The following LOC128462377 variants were observed in gnomAD, a reference collection of about 807,000 sequenced individuals.
the LOC128462377 span, among the ~76,000 whole-genome samples, chr16:89,353,821 C>T: frequency 6.6e-6 from 1 of 152,170 alleles, no homozygotes; most frequent in African/African-American, 2.4e-5. Context: ...TCATGATCAA[C>T]AGCCACTATG....
the LOC128462377 span, among the ~76,000 whole-genome samples, chr16:89,355,734 C>T: frequency 6.6e-6 from 1 of 152,196 alleles, no homozygotes; most frequent in Non-Finnish European, 1.5e-5. Flanking sequence ...GAGCATCCAC[C>T]CGTCGAGGGC....
chr16:89,363,586 C>T, the LOC128462377 span, among the ~76,000 whole-genome samples: 1 of 152,132 alleles, frequency 6.6e-6, no homozygotes, highest in African/African-American at 2.4e-5. Context: ...GAGAAACCAC[C>T]AAAACTTTCT....
the LOC128462377 span, among the ~76,000 whole-genome samples, chr16:89,367,222 A>T: frequency 1.6e-3 from 237 of 151,974 alleles, 3 homozygotes; most frequent in African/African-American, 5.5e-3. Context: ...ACAACAGTCC[A>T]CTCCACGTGG....
At chr16:89,335,951 C>T in the LOC128462377 span, among the ~76,000 whole-genome samples, 2 of 152,210 alleles carry the variant, frequency 1.3e-5, no homozygotes, top group Non-Finnish European at 2.9e-5. Context: ...CAAACATGAC[C>T]GTGCAACATG....
At chr16:89,390,967 G>A in the LOC128462377 span, among the ~76,000 whole-genome samples, 3 of 152,124 alleles carry the variant, frequency 2.0e-5, no homozygotes, top group African/African-American at 7.2e-5. Context: ...CATGGCTCAC[G>A]CCTGTAATCA....
chr16:89,411,147 G>A, the LOC128462377 span, among the ~76,000 whole-genome samples: 3 of 152,362 alleles, frequency 2.0e-5, no homozygotes, highest in Admixed American at 6.5e-5. Flanking sequence ...ACAGGGGCTC[G>A]GGCCCACGCT....
At chr16:89,383,187 C>T in the LOC128462377 span, among the ~76,000 whole-genome samples, 4 of 152,162 alleles carry the variant, frequency 2.6e-5, no homozygotes, top group African/African-American at 7.2e-5. Flanking sequence ...GGGAGCGGTG[C>T]GAGGTCACCT....
chr16:89,345,312 A>T, the LOC128462377 span, among the ~76,000 whole-genome samples: 3 of 145,242 alleles, frequency 2.1e-5, no homozygotes, highest in African/African-American at 7.7e-5. Context: ...GATGGAAAGC[A>T]CTCGACCCCA....
the LOC128462377 span, among the ~76,000 whole-genome samples, chr16:89,416,453 C>T: frequency 6.6e-6 from 1 of 152,082 alleles, no homozygotes; most frequent in Non-Finnish European, 1.5e-5. Context: ...CATTCGCCAC[C>T]ACGTCCGGTT....
At chr16:89,357,502 A>C in the LOC128462377 span, among the ~76,000 whole-genome samples, 1 of 152,228 alleles carries the variant, frequency 6.6e-6, no homozygotes, top group African/African-American at 2.4e-5. Context: ...CATATGATCC[A>C]GCAGTTCCCC....
At chr16:89,415,851 C>CAAAAAAAAAAAAAAAAAAAAAAAAAA in the LOC128462377 span, among the ~76,000 whole-genome samples, 1 of 77,116 alleles carries the variant, frequency 1.3e-5, no homozygotes, top group Non-Finnish European at 2.5e-5. Flanking sequence ...AAAAAAAAAA[C>CAAAAAAAAAAAAAAAAAAAAAAAAAA]AATGGAGAAC....
the LOC128462377 span, chr16:89,320,299 G>A: frequency 6.6e-6 from 1 of 152,288 alleles, no homozygotes; most frequent in African/African-American, 2.4e-5. Context: ...TCCCTGGAAG[G>A]TGACTTGGCT....
the LOC128462377 span, among the ~76,000 whole-genome samples, chr16:89,416,851 A>G: frequency 1.3e-5 from 2 of 151,950 alleles, no homozygotes; most frequent in Non-Finnish European, 1.5e-5. Context: ...TCCTTTTCAC[A>G]AAGAGGCACA....
the LOC128462377 span, among the ~76,000 whole-genome samples, chr16:89,328,467 A>G: frequency 6.6e-6 from 1 of 152,262 alleles, no homozygotes; most frequent in Non-Finnish European, 1.5e-5. Context: ...GGTGTCCTCG[A>G]AACTGGGTTT....
chr16:89,335,180 T>A, the LOC128462377 span, among the ~76,000 whole-genome samples: 2 of 152,256 alleles, frequency 1.3e-5, no homozygotes, highest in South Asian at 4.1e-4. Context: ...GCACAGGAAG[T>A]GAGCTCAGTG....
chr16:89,342,374 C>G, the LOC128462377 span, among the ~76,000 whole-genome samples: 1 of 152,188 alleles, frequency 6.6e-6, no homozygotes, highest in African/African-American at 2.4e-5. Context: ...GTTGAACTCC[C>G]CAGAGATGTT....
chr16:89,378,893 C>A, the LOC128462377 span, among the ~76,000 whole-genome samples: 1 of 148,602 alleles, frequency 6.7e-6, no homozygotes, highest in East Asian at 2.0e-4. Flanking sequence ...CTTTCCAAGG[C>A]TGAAAACCTC....
At chr16:89,370,244 G>A in the LOC128462377 span, among the ~76,000 whole-genome samples, 319 of 152,346 alleles carry the variant, frequency 2.1e-3, 2 homozygotes, top group African/African-American at 7.4e-3. Context: ...ATGTCCAGGG[G>A]TGGCCAGCCT....
the LOC128462377 span, among the ~76,000 whole-genome samples, chr16:89,345,327 G>A: frequency 6.7e-4 from 90 of 134,000 alleles, no homozygotes; most frequent in African/African-American, 2.5e-3. Context: ...ACCCCACAGA[G>A]CTCAGTGCCG....
Sources: allele counts gnomAD v4.1 joint callset (sites outside exome capture counted in the v4.1 genomes callset), GRCh38; gene constraint gnomAD v4.1.1; transcripts MANE v1.5.